Variants in GPC6 observed in about 807,000 individuals in gnomAD.
GPC6 encodes the protein glypican-6.
In GPC6, 14 loss-of-function variants were observed where a neutral mutation model predicts 55.2. That is an observed-to-expected ratio of 0.25 (90% confidence interval 0.17 to 0.40). The LOEUF (loss-of-function observed/expected upper bound fraction) is 0.40, where lower values mean the gene tolerates loss of function less well. Ranked by LOEUF, GPC6 falls within the 10% of genes least tolerant of loss-of-function variation. The pLI is 1.00. For synonymous variants in GPC6, 278 were observed against 259.6 expected (o/e 1.07, Z -0.68); for missense variants, 641 against 708.5 (o/e 0.90, Z 1.08).
At chr13:93,722,256 G>A (rs1442789355) in intron 2 of GPC6, among the ~76,000 whole-genome samples, 3 of 151,624 alleles carry the variant, frequency 2.0e-5, no homozygotes, top group Admixed American at 2.0e-4. Flanking sequence ...ATATATACTT[G>A]TAATTAGGTT....
intron 2 of GPC6, among the ~76,000 whole-genome samples, chr13:93,621,268 C>T (rs1210903838): frequency 6.6e-6 from 1 of 152,138 alleles, no homozygotes; most frequent in African/African-American, 2.4e-5. Flanking sequence ...TGATCCATGG[C>T]ACTTGTTGCA....
intron 4 of GPC6, among the ~76,000 whole-genome samples, chr13:94,181,570 A>G (rs1566510561): frequency 6.6e-6 from 1 of 152,214 alleles, no homozygotes; most frequent in Non-Finnish European, 1.5e-5. Flanking sequence ...TCAGGCCCCA[A>G]CAATTTAATT....
chr13:93,445,220 G>A (rs190774306), intron 1 of GPC6, among the ~76,000 whole-genome samples: 27 of 152,116 alleles, frequency 1.8e-4, no homozygotes, highest in Non-Finnish European at 2.8e-4. Flanking sequence ...CCTTTCTTTC[G>A]TTTCGTAACC....
chr13:94,267,497 G>A (rs1891855007), intron 4 of GPC6, among the ~76,000 whole-genome samples: 2 of 152,084 alleles, frequency 1.3e-5, no homozygotes, highest in Non-Finnish European at 2.9e-5. Flanking sequence ...AGTCAGAATG[G>A]GTTTATTCAA....
intron 1 of GPC6, among the ~76,000 whole-genome samples, chr13:93,455,084 A>C (rs924597170): frequency 6.6e-6 from 1 of 152,142 alleles, no homozygotes; most frequent in African/African-American, 2.4e-5. Context: ...CTCCGAGTGC[A>C]GGGCCCGCCA....
intron 4 of GPC6, among the ~76,000 whole-genome samples, chr13:94,190,585 G>T (rs1267508139): frequency 6.6e-6 from 1 of 152,166 alleles, no homozygotes; most frequent in African/African-American, 2.4e-5. Flanking sequence ...AAAGAAAATG[G>T]TTGAAAGGAT....
chr13:94,173,821 G>A (rs929387728), intron 4 of GPC6, among the ~76,000 whole-genome samples: 1 of 152,146 alleles, frequency 6.6e-6, no homozygotes, highest in African/African-American at 2.4e-5. Context: ...GAAAGCTCAT[G>A]TACTTTCTGT....
chr13:93,597,356 C>G (rs1174658835), intron 2 of GPC6, among the ~76,000 whole-genome samples: 1 of 152,146 alleles, frequency 6.6e-6, no homozygotes, highest in Non-Finnish European at 1.5e-5. Flanking sequence ...GCTGCCTTTC[C>G]CTATGGTGGT....
chr13:94,267,567 G>T (rs1053400247), intron 4 of GPC6, among the ~76,000 whole-genome samples: 1 of 152,056 alleles, frequency 6.6e-6, no homozygotes, highest in African/African-American at 2.4e-5. Flanking sequence ...TAGTCTTGGG[G>T]TTCTGACCCA....
chr13:93,542,163 C>T (rs1483649549), intron 1 of GPC6, among the ~76,000 whole-genome samples: 11 of 152,062 alleles, frequency 7.2e-5, no homozygotes, highest in African/African-American at 1.7e-4. Context: ...TTAGGTCTAA[C>T]GTTTAAGTCT....
At chr13:93,263,629 T>C (rs1877226288) in intron 1 of GPC6, among the ~76,000 whole-genome samples, 1 of 152,180 alleles carries the variant, frequency 6.6e-6, no homozygotes, top group African/African-American at 2.4e-5. Context: ...CCTCCCAAAG[T>C]GCTGGGATTA....
intron 3 of GPC6, among the ~76,000 whole-genome samples, chr13:93,841,890 A>C (rs142784959): frequency 6.6e-6 from 1 of 152,310 alleles, no homozygotes; most frequent in East Asian, 1.9e-4. Flanking sequence ...GAATTTTGGC[A>C]ATCAAAAAGT....
At chr13:93,313,102 GTAAA>G in intron 1 of GPC6, among the ~76,000 whole-genome samples, 1 of 152,198 alleles carries the variant, frequency 6.6e-6, no homozygotes, top group African/African-American at 2.4e-5. Context: ...TTAGACCTAA[GTAAA>G]TATAATTCAA....
At chr13:93,980,378 T>C (rs1880741024) in intron 3 of GPC6, among the ~76,000 whole-genome samples, 1 of 152,158 alleles carries the variant, frequency 6.6e-6, no homozygotes, top group Non-Finnish European at 1.5e-5. Context: ...TTGATTTCTG[T>C]CTTTGAAGTG....
intron 4 of GPC6, among the ~76,000 whole-genome samples, chr13:94,032,440 T>C (rs1254732292): frequency 6.6e-6 from 1 of 152,178 alleles, no homozygotes; most frequent in Non-Finnish European, 1.5e-5. Flanking sequence ...TCAAACATAA[T>C]TGATGTTAAA....
chr13:94,139,559 C>T (rs372463588), intron 4 of GPC6, among the ~76,000 whole-genome samples: 2 of 152,044 alleles, frequency 1.3e-5, no homozygotes, highest in African/African-American at 2.4e-5. Flanking sequence ...AAAGACTTGC[C>T]TTTATTGTGA....
At chr13:93,318,839 A>G (rs371899832) in intron 1 of GPC6, among the ~76,000 whole-genome samples, 1 of 152,124 alleles carries the variant, frequency 6.6e-6, no homozygotes, top group African/African-American at 2.4e-5. Flanking sequence ...TAGCTTTGCT[A>G]TATGTTATAG....
chr13:94,396,881 A>G (rs1391000853), intron 7 of GPC6, among the ~76,000 whole-genome samples: 1 of 152,174 alleles, frequency 6.6e-6, no homozygotes, highest in African/African-American at 2.4e-5. Context: ...GGAGTAAGTC[A>G]TGGTTTTGCC....
At chr13:93,966,762 C>T (rs997634417) in intron 3 of GPC6, among the ~76,000 whole-genome samples, 3 of 150,024 alleles carry the variant, frequency 2.0e-5, no homozygotes, top group Non-Finnish European at 3.0e-5. Context: ...GCAATCCTCC[C>T]TCCTCAGCCT....
Sources: allele counts gnomAD v4.1 joint callset (sites outside exome capture counted in the v4.1 genomes callset), GRCh38; gene constraint gnomAD v4.1.1; transcripts MANE v1.5; gene names NCBI Gene and HGNC (gene_info 2026-07-23, HGNC 2026-07-21).